C10orf67: variants seen among roughly 807,000 people sequenced by gnomAD.
The protein encoded by C10orf67 is chromosome 10 open reading frame 67, also known as uncharacterized protein C10orf67, mitochondrial.
C10orf67 carries 60 observed loss-of-function variants against 35.6 expected under a neutral mutation model. That is an observed-to-expected ratio of 1.68 (90% CI 1.37 to 2.09). The LOEUF (loss-of-function observed/expected upper bound fraction) is 2.09, where lower values mean the gene tolerates loss of function less well. Among genes scored for constraint, C10orf67 ranks in the 30% most tolerant of loss-of-function variants. The pLI is 0.00. For synonymous variants in C10orf67, 167 were observed against 115.8 expected (o/e 1.44, Z -2.84); for missense variants, 474 against 330.2 (o/e 1.44, Z -3.38).
intron 4 of C10orf67, among the ~76,000 whole-genome samples, chr10:23,314,501 C>CACACACACACAG (rs1554815275): frequency 3.3e-5 from 5 of 151,062 alleles, no homozygotes; most frequent in African/African-American, 1.2e-4. Context: ...CACACACACA[C>CACACACACACAG]ACACACACAC....
At chr10:23,267,356 A>G (rs1842910956) in intron 8 of C10orf67, 102 bp from the exon 9 acceptor site, 1 of 563,036 alleles carries the variant, frequency 1.8e-6, no homozygotes, top group African/African-American at 1.9e-5. Context: ...AACGTTTTAA[A>G]CCATTTGTCT....
At chr10:23,336,476 A>G (rs1259650804) in intron 1 of C10orf67, among the ~76,000 whole-genome samples, 3 of 152,150 alleles carry the variant, frequency 2.0e-5, no homozygotes, top group African/African-American at 7.2e-5. Flanking sequence ...GAGCACATCT[A>G]ACACTCAGAT....
At position 23,266,384 on chromosome 10, in the gene C10orf67, A is replaced by G. The variant is rs1820944679; in HGVS notation, c.1078T>C (p.Trp360Arg). ...AKGREASLSP[W>R]PKSPPSTTAL... ...GTGGTGCTGGGTGGAGACTTGGGCCATGGGGACAAAGAGGCTTCTCTCCCC... is the reference window on the plus strand; with the variant it reads ...GTGGTGCTGGGTGGAGACTTGGGCCGTGGGGACAAAGAGGCTTCTCTCCCC... The change falls in exon 10 of 16, where the codon TGG becomes CGG. Residue 360 changes from tryptophan (W) to arginine (R), a missense_variant. Transcript: ENST00000636213. 1 of 398,648 alleles carries G rather than the reference A, an allele frequency of 2.5e-6. No homozygotes were observed. The highest frequency in any genetic ancestry group is 4.4e-6 in the Non-Finnish European group (1 of 226,072). The allele number at this position is 398,648 out of a possible 1,614,324, so 24.7% of individuals were successfully genotyped here. A position where few individuals can be genotyped will look rare whatever the true frequency, so the allele number is the denominator to read the frequency against.
intron 13 of C10orf67, among the ~76,000 whole-genome samples, chr10:23,239,480 T>C (rs1371727480): frequency 1.3e-5 from 2 of 152,224 alleles, no homozygotes; most frequent in Admixed American, 6.5e-5. Context: ...CTGAAATTTA[T>C]ACTTGCCCCA....
At chr10:23,210,152 C>G (rs1040624589) in intron 15 of C10orf67, among the ~76,000 whole-genome samples, 4 of 151,934 alleles carry the variant, frequency 2.6e-5, no homozygotes, top group Non-Finnish European at 5.9e-5. Flanking sequence ...GGCAATGAAG[C>G]CAGGAGGAAA....
At chr10:23,269,697 A>C (rs1376005711) in intron 8 of C10orf67, among the ~76,000 whole-genome samples, 1 of 152,064 alleles carries the variant, frequency 6.6e-6, no homozygotes, top group Non-Finnish European at 1.5e-5. Context: ...TGCATTGAAA[A>C]AGGAATGCAA....
intron 1 of C10orf67, among the ~76,000 whole-genome samples, chr10:23,339,910 G>C (rs927787641): frequency 3.9e-5 from 6 of 152,272 alleles, no homozygotes; most frequent in African/African-American, 1.2e-4. Flanking sequence ...TTCTGTTTCT[G>C]TATAGTCTAC....
At position 23,250,911 on chromosome 10, in the gene C10orf67, A is replaced by G. The variant is rs537253812; in HGVS notation, c.1201-220T>C. Among the ~76,000 whole-genome samples the G allele has an allele frequency of 4.6e-5, 7 of 152,254 alleles. No homozygotes were observed. In the East Asian group the frequency reaches 9.7e-4, roughly 21 times the overall value. On this transcript the variant is annotated intron_variant, in intron 10 of 15. Transcript: ENST00000636213. ...CTAGGAGTTTGAGACCGGTCTGGGC[A>G]ATATAGTGGGACCTTGTCTCTACAA...
chr10:23,236,253 G>GGAAAAAAA (rs1842047414), intron 13 of C10orf67, among the ~76,000 whole-genome samples: 54 of 75,778 alleles, frequency 7.1e-4, no homozygotes, highest in African/African-American at 3.2e-3. Flanking sequence ...CCTCTCGGGG[G>GGAAAAAAA]AAAAAAAAAA....
intron 10 of C10orf67, among the ~76,000 whole-genome samples, chr10:23,260,790 C>G (rs1842727795): frequency 6.6e-6 from 1 of 152,196 alleles, no homozygotes; most frequent in Admixed American, 6.5e-5. Flanking sequence ...ATGCTTCAGT[C>G]TGAAATCTTT....
rs557091262 is a variant in C10orf67 at position 23,237,278 on chromosome 10, T to C, written c.1434+2451A>G. 1.7e-4 allele frequency among the ~76,000 whole-genome samples: 26 copies of C among 152,304 alleles called. No individual in the cohort carries two copies. The East Asian group carries it at 5.0e-3, about 29-fold the overall frequency. ...TATGTACCACATTTTCTTTGTCCAG[T>C]CTACCATTGATGGGCATTTAGGTTG... On this transcript the variant is annotated intron_variant, in intron 13 of 15. Transcript: ENST00000636213.
At chr10:23,263,965 T>C (rs1199041097) in intron 10 of C10orf67, among the ~76,000 whole-genome samples, 1 of 152,216 alleles carries the variant, frequency 6.6e-6, no homozygotes, top group African/African-American at 2.4e-5. Context: ...TGCTCCGTTG[T>C]GGGTAGCACA....
At chr10:23,286,547 GAGGGA>G (rs1372077147) in intron 7 of C10orf67, among the ~76,000 whole-genome samples, 1 of 110,156 alleles carries the variant, frequency 9.1e-6, no homozygotes, top group Non-Finnish European at 1.9e-5. Context: ...GGAAGGAAGG[GAGGGA>G]AGGGAAGGAA....
chr10:23,314,520 A>T (rs1357503325), intron 4 of C10orf67, among the ~76,000 whole-genome samples: 3 of 151,614 alleles, frequency 2.0e-5, no homozygotes, highest in Non-Finnish European at 4.4e-5. Flanking sequence ...ACACACACAC[A>T]CACACACAAA....
chr10:23,223,669 A>T lies in C10orf67; in HGVS notation c.1510-11T>A. The T allele has an allele frequency of 1.4e-6, 1 of 717,426 alleles. No individual in the cohort carries two copies. Among genetic ancestry groups the T allele is most frequent in the Non-Finnish European group, 2.6e-6 (1 of 384,982 alleles). The allele number at this position is 717,426 out of a possible 1,614,324, so 44.4% of individuals were successfully genotyped here. On this transcript the variant is annotated splice_polypyrimidine_tract_variant and intron_variant, in intron 14 of 15. Coordinates refer to ENST00000636213, the MANE Select transcript of C10orf67 (RefSeq NM_001371909.1). Reference sequence around the variant, plus strand: ...ATGCTTACCGTCTATCTGTAAGTGAACCAAAACTTTTCATTACTTAAGTTG... The same window carrying T: ...ATGCTTACCGTCTATCTGTAAGTGATCCAAAACTTTTCATTACTTAAGTTG...
chr10:23,276,276 C>T (rs2132223803), intron 8 of C10orf67, among the ~76,000 whole-genome samples: 1 of 152,248 alleles, frequency 6.6e-6, no homozygotes, highest in East Asian at 1.9e-4. Context: ...CCCAATAGCT[C>T]CTTCCTCAAC....
chr10:23,204,280 A>G, intron 15 of C10orf67, 25 bp from the exon 16 acceptor site: 1 of 604,118 alleles, frequency 1.7e-6, no homozygotes, highest in South Asian at 2.0e-5. Flanking sequence ...AGGTGGACAG[A>G]CATAAACTTT....
At chr10:23,328,381 TG>T (rs1375879574) in intron 2 of C10orf67, among the ~76,000 whole-genome samples, 2 of 152,190 alleles carry the variant, frequency 1.3e-5, no homozygotes, top group African/African-American at 4.8e-5. Flanking sequence ...GGAAAGTTTT[TG>T]CTTTCCTAAG....
intron 13 of C10orf67, among the ~76,000 whole-genome samples, chr10:23,226,482 AAG>A (rs1841745476): frequency 6.6e-6 from 1 of 152,190 alleles, no homozygotes; most frequent in African/African-American, 2.4e-5. Context: ...CCACAAGAGA[AAG>A]CAGGAAAGAT....
Sources: gnomAD v4.1 joint callset for allele counts (sites outside exome capture counted in the v4.1 genomes callset) on GRCh38, gnomAD v4.1.1 for gene constraint, MANE v1.5 for transcripts, NCBI Gene and HGNC (gene_info 2026-07-23, HGNC 2026-07-21) for gene names.